Variants in OPCML observed in about 807,000 individuals in gnomAD.
OPCML encodes the protein opioid binding protein/cell adhesion molecule like.
In OPCML, 13 loss-of-function variants were observed where a neutral mutation model predicts 37.8. That is an observed-to-expected ratio of 0.34 (90% CI 0.22 to 0.55). OPCML has a LOEUF of 0.55. OPCML is among the 20% of genes least tolerant of loss of function. OPCML has a pLI of 0.91. For synonymous variants in OPCML, 176 were observed against 168.8 expected (o/e 1.04, Z -0.33); for missense variants, 341 against 435.6 (o/e 0.78, Z 1.93).
At chr11:133,337,905 C>G (rs1236331069) in intron 1 of OPCML, among the ~76,000 whole-genome samples, 1 of 151,978 alleles carries the variant, frequency 6.6e-6, no homozygotes, top group Non-Finnish European at 1.5e-5. Context: ...CTGATCCCCA[C>G]CACTCATTTC....
chr11:133,307,164 G>A (rs954339987), intron 1 of OPCML, among the ~76,000 whole-genome samples: 4 of 151,926 alleles, frequency 2.6e-5, no homozygotes, highest in African/African-American at 7.3e-5. Context: ...CATCCATTTC[G>A]AAAGTAAAAG....
intron 1 of OPCML, among the ~76,000 whole-genome samples, chr11:133,385,661 A>C (rs3923729): frequency 0.2 from 29,699 of 151,292 alleles, 4,484 homozygotes; most frequent in African/African-American, 0.43. Context: ...GGAAGCTGAA[A>C]CTTCGATGAT....
intron 2 of OPCML, among the ~76,000 whole-genome samples, chr11:132,824,898 G>T (rs527743732): frequency 1.5e-4 from 23 of 152,022 alleles, no homozygotes; most frequent in Non-Finnish European, 3.1e-4. Flanking sequence ...GGCCTTGTAT[G>T]CTCCCTTCTC....
At chr11:132,948,882 A>T (rs1945801227) in intron 1 of OPCML, among the ~76,000 whole-genome samples, 1 of 152,236 alleles carries the variant, frequency 6.6e-6, no homozygotes, top group Non-Finnish European at 1.5e-5. Flanking sequence ...TTCTACTCAG[A>T]CCTACAGAAG....
At chr11:133,379,319 T>C (rs577273959) in intron 1 of OPCML, among the ~76,000 whole-genome samples, 6 of 152,360 alleles carry the variant, frequency 3.9e-5, no homozygotes, top group Admixed American at 6.5e-5. Context: ...TCTACACCCC[T>C]GTGCGTCTGA....
At chr11:132,619,129 C>T (rs967862770) in intron 3 of OPCML, among the ~76,000 whole-genome samples, 1 of 152,128 alleles carries the variant, frequency 6.6e-6, no homozygotes, top group Non-Finnish European at 1.5e-5. Flanking sequence ...ACCTCCCCTC[C>T]AGGTTCGGTA....
Position 133,314,211 on chromosome 11 carries a change from G to A in OPCML, c.61+218053C>T, listed in dbSNP as rs374974167. On this transcript the variant is annotated intron_variant, in intron 1 of 7. Coordinates refer to ENST00000524381, the MANE Select transcript of OPCML (RefSeq NM_001012393.5). The stretch of plus-strand genomic sequence containing the variant: ...GATCGCGCCACTGCACTCCAGCCTG[G>A]GCTACAGCGAGACTCCGTCTCAAAA... 2.0e-4 allele frequency among the ~76,000 whole-genome samples: 25 copies of A among 123,926 alleles called. No individual in the cohort carries two copies. The East Asian group carries it at 2.3e-3, about 11-fold the overall frequency. The allele number at this position is 123,926 out of a possible 152,430, so 81.3% of individuals were successfully genotyped here.
At chr11:132,729,643 A>G (rs1945007971) in intron 2 of OPCML, among the ~76,000 whole-genome samples, 1 of 152,210 alleles carries the variant, frequency 6.6e-6, no homozygotes, top group South Asian at 2.1e-4. Flanking sequence ...ACTCAGTCAA[A>G]AGGGTTCCAG....
rs572845771 is a variant in OPCML, at chr11:132,989,652, G to A, written c.62-46642C>T. ...GTGTGTGTGTGTGTGTGTGTGTTCA[G>A]AGGTGGAGGTGTGGATCTGTGGTTG... On this transcript the variant is annotated intron_variant, in intron 1 of 7. Transcript: ENST00000524381. Among the ~76,000 whole-genome samples the A allele has an allele frequency of 8.8e-3, 1,317 of 150,194 alleles. 17 individuals carry two copies. The highest frequency in any genetic ancestry group is 0.03 in the African/African-American group (1,241 of 40,822).
chr11:132,597,290 A>G (rs1465173343), intron 3 of OPCML, among the ~76,000 whole-genome samples: 1 of 152,246 alleles, frequency 6.6e-6, no homozygotes, highest in African/African-American at 2.4e-5. Flanking sequence ...TAATGAAGAC[A>G]TATTTTCTCA....
chr11:133,375,182 T>C (rs1944772843), intron 1 of OPCML, among the ~76,000 whole-genome samples: 1 of 152,232 alleles, frequency 6.6e-6, no homozygotes, highest in East Asian at 1.9e-4. Context: ...TGAATTCTCA[T>C]GACGTGCTAG....
chr11:133,264,055 C>T (rs529554240), intron 1 of OPCML, among the ~76,000 whole-genome samples: 22 of 152,098 alleles, frequency 1.4e-4, no homozygotes, highest in South Asian at 2.1e-4. Flanking sequence ...CTCTGAAAAA[C>T]GATTAAAAAA....
At chr11:133,227,638 G>T (rs1555118382) in intron 1 of OPCML, among the ~76,000 whole-genome samples, 1 of 150,320 alleles carries the variant, frequency 6.7e-6, no homozygotes, top group East Asian at 1.9e-4. Context: ...ATCAAGGAAA[G>T]AAAAAAAAAG....
chr11:133,260,633 T>G (rs1363632282), intron 1 of OPCML, among the ~76,000 whole-genome samples: 1 of 151,900 alleles, frequency 6.6e-6, no homozygotes, highest in Non-Finnish European at 1.5e-5. Context: ...ATCTGGATAA[T>G]CCATTTGAAA....
chr11:132,552,786 G>A (rs1266314369), intron 3 of OPCML, among the ~76,000 whole-genome samples: 4 of 45,462 alleles, frequency 8.8e-5, no homozygotes, highest in African/African-American at 6.2e-4. Context: ...TTTTGAGACC[G>A]AGTGGAGTCT....
Position 132,912,260 on chromosome 11 carries a change from T to C in OPCML, c.146+30666A>G, listed in dbSNP as rs188677164. Among the ~76,000 whole-genome samples the C allele has an allele frequency of 1.8e-3, 274 of 152,292 alleles. 2 individuals carry two copies. The highest frequency in any genetic ancestry group is 3.1e-3 in the Non-Finnish European group (208 of 68,040). ...AAAGCTTGAAACTGTGATGATAAAA[T>C]ATTGTGACAGAAATATTTATATAGT... On this transcript the variant is annotated intron_variant, in intron 2 of 7. Coordinates refer to ENST00000524381, the MANE Select transcript of OPCML (RefSeq NM_001012393.5).
chr11:132,665,605 A>C (rs1325912579), intron 2 of OPCML, among the ~76,000 whole-genome samples: 1 of 152,212 alleles, frequency 6.6e-6, no homozygotes, highest in Non-Finnish European at 1.5e-5. Context: ...TCTTGGTAAA[A>C]GAAGTAAAGC....
chr11:133,118,517 A>G (rs1339598007), intron 1 of OPCML: 7 of 662,934 alleles, frequency 1.1e-5, no homozygotes, highest in African/African-American at 3.9e-5. Flanking sequence ...AGAATTGCTC[A>G]GTAGCAAGAC....
At chr11:132,423,772 G>T (rs1047717854) in intron 7 of OPCML, among the ~76,000 whole-genome samples, 1 of 152,132 alleles carries the variant, frequency 6.6e-6, no homozygotes, top group Non-Finnish European at 1.5e-5. Context: ...GCTCACGTTT[G>T]GTCCCATGGG....
Sources: allele counts gnomAD v4.1 joint callset (sites outside exome capture counted in the v4.1 genomes callset), GRCh38; gene constraint gnomAD v4.1.1; transcripts MANE v1.5; gene names NCBI Gene and HGNC (gene_info 2026-07-23, HGNC 2026-07-21).